Variants in TTN observed in about 807,000 individuals in gnomAD.
TTN encodes the protein titin, also known as connectin.
A neutral mutation model predicts 3,223.0 loss-of-function variants in TTN; 1,525 were observed. The observed-to-expected ratio is 0.47, with a 90% CI of 0.45 to 0.49. The LOEUF is 0.49. Among genes scored for constraint, TTN ranks in the 20% least tolerant of loss-of-function variants. The pLI is 0.00. For missense variants in TTN, 40,786 were observed against 43,424.0 expected (o/e 0.94, Z 5.40); for synonymous variants, 14,094 against 15,161.0 (o/e 0.93, Z 5.17).
At chr2:178,542,120 G>A (rs1181831190) in intron 349 of TTN, 144 bp downstream of exon 349, 3 of 796,244 alleles carry the variant, frequency 3.8e-6, no homozygotes, top group Non-Finnish European at 5.6e-6. Context: ...CCTGAGAAAA[G>A]GAGGTTTAGA....
intron 270 of TTN, 95 bp downstream of exon 270, chr2:178,610,898 T>G: frequency 6.7e-7 from 1 of 1,485,770 alleles, no homozygotes; most frequent in Non-Finnish European, 9.1e-7. Context: ...AAGTGGCCAG[T>G]TCATGAAGCC....
rs1687046860 is a variant in TTN at position 178,527,723 on chromosome 2, C to T, written c.107403G>A (p.Glu35801=). The change falls in exon 362 of 363, where the codon GAG becomes GAA. Residue 35801 remains glutamate (E), a synonymous_variant. Coordinates refer to ENST00000589042, the MANE Select transcript of TTN (RefSeq NM_001267550.2). ...VLPLVEEPSR[E]VVLRTSGDTS... ...TGTCACCACTTGTTCTCAATACTAC[C>T]TCTCTGGAAGGTTCTTCAACTAGAG... is the stretch of plus-strand genomic sequence containing the variant. 1 of 1,606,206 alleles carries T rather than the reference C, an allele frequency of 6.2e-7. No individual in the cohort carries two copies. Among genetic ancestry groups the T allele is most frequent in the South Asian group, 1.1e-5 (1 of 90,236 alleles).
In TTN at chr2:178,749,850, C is replaced by T. The variant is rs145460295; in HGVS notation, c.11311+3274G>A. 7 of 1,613,124 alleles carry T rather than the reference C, an allele frequency of 4.3e-6. No individual in the cohort carries two copies. In the African/African-American group the frequency reaches 9.3e-5, roughly 22 times the overall value. On this transcript the variant is annotated intron_variant, in intron 47 of 362. Coordinates refer to ENST00000589042, the MANE Select transcript of TTN (RefSeq NM_001267550.2). Reference sequence around the variant, plus strand: ...CATGTTACAACTGGCTGGGGCTCACCAGATATTAAACATTCAAGAATGATG... The same window carrying T: ...CATGTTACAACTGGCTGGGGCTCACTAGATATTAAACATTCAAGAATGATG...
rs1198364572 is a variant in TTN, at chr2:178,671,132, GT to G, written c.35265del (p.Lys11755AsnfsTer25). 9 of 1,603,664 alleles carry G rather than the reference GT, an allele frequency of 5.6e-6. No homozygotes were observed. The highest frequency in any genetic ancestry group is 3.4e-5 in the Admixed American group (2 of 58,318). On this transcript the variant is annotated frameshift_variant, in exon 156 of 363. Transcript: ENST00000589042. LOFTEE classifies it high-confidence loss of function. ...TTTCGAGGAACAACTTTAGTGGGCGGTTTTTTTGGAGGGATGATTTTCTCAG... is the reference window on the plus strand; with the variant it reads ...TTTCGAGGAACAACTTTAGTGGGCGGTTTTTTGGAGGGATGATTTTCTCAG... ...EISEKIIPPKKPPTKVVPRKE... is the reference protein window; with the variant it reads ...EISEKIIPPKXPPTKVVPRKE...
chr2:178,616,839 T>G lies in TTN; in HGVS notation c.48050A>C (p.Tyr16017Ser). ...ACTTGGAGAAATGACAAGTTCGGCATAGGCAGACAAGGTCTTCATTTTCAC... is the reference window on the plus strand; with the variant it reads ...ACTTGGAGAAATGACAAGTTCGGCAGAGGCAGACAAGGTCTTCATTTTCAC... ...DRVKMKTLSA[Y>S]AELVISPSER... Residue 16017 changes from tyrosine to serine, a missense_variant, in exon 256 of 363, where the codon TAT becomes TCT. By Grantham distance (144) the Tyr-to-Ser change is moderately radical. Transcript: ENST00000589042. The G allele has an allele frequency of 6.2e-6, 10 of 1,612,728 alleles. No individual in the cohort carries two copies. The highest frequency in any genetic ancestry group is 8.5e-6 in the Non-Finnish European group (10 of 1,179,192).
At position 178,531,538 on chromosome 2, in the gene TTN, T is replaced by C. The variant is rs757648598; in HGVS notation, c.105077A>G (p.Tyr35026Cys). The change falls in exon 358 of 363, where the codon TAT becomes TGT. Residue 35026 changes from tyrosine (Y) to cysteine (C), a missense_variant. Coordinates refer to ENST00000589042, the MANE Select transcript of TTN (RefSeq NM_001267550.2). Reference sequence around the variant, plus strand: ...CCCTCCTGTCACGTCCAACGTTGCATAGTCAGAAGCTTCGCCCTTGTAGTT... The same window carrying C: ...CCCTCCTGTCACGTCCAACGTTGCACAGTCAGAAGCTTCGCCCTTGTAGTT... ...CTNYKGEASD[Y>C]ATLDVTGGDY... 12 of 1,613,842 alleles carry C rather than the reference T, an allele frequency of 7.4e-6. No homozygotes were observed. The highest frequency in any genetic ancestry group is 1.0e-5 in the Non-Finnish European group (12 of 1,179,888).
intron 92 of TTN, 114 bp downstream of exon 92, chr2:178,713,783 G>C (rs1353307342): frequency 7.5e-7 from 1 of 1,336,556 alleles, no homozygotes; most frequent in Non-Finnish European, 1.0e-6. Context: ...TGCTGATTCA[G>C]AAGATGTCGG....
At chr2:178,650,106 T>C in intron 210 of TTN, 58 bp downstream of exon 210, 12 of 1,475,108 alleles carry the variant, frequency 8.1e-6, no homozygotes, top group Non-Finnish European at 1.0e-5. Flanking sequence ...AAGGAAGATA[T>C]ATAGACATGA....
At chr2:178,596,082 C>T (rs529920411) in intron 294 of TTN, among the ~76,000 whole-genome samples, 1 of 151,240 alleles carries the variant, frequency 6.6e-6, no homozygotes, top group Non-Finnish European at 1.5e-5. Context: ...CCTCCGCTTC[C>T]CAGGTTCAAG....
intron 330 of TTN, chr2:178,556,638 G>C: frequency 1.7e-6 from 1 of 589,460 alleles, no homozygotes; most frequent in East Asian, 2.9e-5. Flanking sequence ...GATATCCTGA[G>C]GTCTAAATCT....
chr2:178,564,411 A>G lies in TTN; in HGVS notation c.81721T>C (p.Tyr27241His), dbSNP rs773476805. 2 of 1,613,400 alleles carry G rather than the reference A, an allele frequency of 1.2e-6. No individual in the cohort carries two copies. The highest frequency in any genetic ancestry group is 3.3e-5 in the Admixed American group (2 of 59,944). ...TTTCTTGCAATTACTCTAAATTCATATCTTTGGTCTTCTACAAGTCCACTC... is the reference window on the plus strand; with the variant it reads ...TTTCTTGCAATTACTCTAAATTCATGTCTTTGGTCTTCTACAAGTCCACTC... ...TVSGLVEDQR[Y>H]EFRVIARNAA... Residue 27241 changes from tyrosine to histidine, a missense_variant, in exon 326 of 363, where the codon TAT (tyrosine) becomes CAT (histidine). Physicochemically the swap from Tyr to His is moderately conservative, Grantham distance 83 (BLOSUM62 2). Transcript: ENST00000589042.
In TTN at chr2:178,557,817, T is replaced by A; in HGVS notation, c.87537A>T (p.Glu29179Asp). 6.2e-7 allele frequency: 1 copy of A among 1,613,986 alleles called. No individual in the cohort carries two copies. Reference protein sequence around the residue: ...QVTNYILLKRETSTAVWTEVS... With the variant: ...QVTNYILLKRDTSTAVWTEVS... ...CTTCAGTCCACACTGCAGTACTTGT[T>A]TCTCTTTTGAGTAGAATGTAGTTGG... Residue 29179 changes from glutamate to aspartate, a missense_variant, in exon 328 of 363, where the codon GAA (glutamate) becomes GAT (aspartate). Transcript: ENST00000589042.
At position 178,533,572 on chromosome 2, in the gene TTN, A is replaced by G. The variant is rs1559027230; in HGVS notation, c.103043T>C (p.Leu34348Pro). 1 of 1,613,928 alleles carries G rather than the reference A, an allele frequency of 6.2e-7. No individual in the cohort carries two copies. The highest frequency in any genetic ancestry group is 8.5e-7 in the Non-Finnish European group (1 of 1,179,854). Reference protein sequence around the residue: ...KYGEDSCKAKLTVTLHPPPTD... With the variant: ...KYGEDSCKAKPTVTLHPPPTD... ...TGGAGGTGGGTGTAGGGTTACTGTC[A>G]GCTTTGCTTTACAGCTGTCTTCACC... is the stretch of plus-strand genomic sequence containing the variant. Residue 34348 changes from leucine (L) to proline (P), a missense_variant, in exon 358 of 363, where the codon CTG becomes CCG. Coordinates refer to ENST00000589042, the MANE Select transcript of TTN (RefSeq NM_001267550.2).
chr2:178,684,610 G>A, intron 131 of TTN, 56 bp downstream of exon 131: 2 of 1,543,802 alleles, frequency 1.3e-6, no homozygotes, highest in Non-Finnish European at 1.8e-6. Flanking sequence ...CAGCAGCAGA[G>A]AGAAAGAAAG....
chr2:178,578,831 C>T lies in TTN; in HGVS notation c.68199G>A (p.Glu22733=), dbSNP rs375672522. 5 of 1,611,450 alleles carry T rather than the reference C, an allele frequency of 3.1e-6. No individual in the cohort carries two copies. In the African/African-American group the frequency reaches 4.0e-5, roughly 13 times the overall value. ...KYGVGEGLKS[E]PIVARHPFDV... ...CAAATGGATGTCTCGCAACAATTGG[C>T]TCCGATTTCAGGCCTTCCCCTACAC... Residue 22733 remains glutamate (E), a synonymous_variant, in exon 320 of 363, where the codon GAG becomes GAA. Coordinates refer to ENST00000589042, the MANE Select transcript of TTN (RefSeq NM_001267550.2).
intron 43 of TTN, among the ~76,000 whole-genome samples, chr2:178,759,926 C>T (rs1424509680): frequency 6.6e-6 from 1 of 152,100 alleles, no homozygotes; most frequent in African/African-American, 2.4e-5. Flanking sequence ...ACCCAAATTA[C>T]AGTAAAGTAG....
rs778572519 is a variant in TTN, at chr2:178,764,812, C to A, written c.9704-1G>T. 1 of 1,612,640 alleles carries A rather than the reference C, an allele frequency of 6.2e-7. No homozygotes were observed. The highest frequency in any genetic ancestry group is 1.1e-5 in the South Asian group (1 of 91,014). On this transcript the variant is annotated splice_acceptor_variant, in intron 41 of 362. Coordinates refer to ENST00000589042, the MANE Select transcript of TTN (RefSeq NM_001267550.2). LOFTEE classifies it high-confidence loss of function. Reference sequence around the variant, plus strand: ...TGCAGAACTTGGGGCGGTTCAGGAGCTAGGAGTAAATGTTGACAAATAGCC... The same window carrying A: ...TGCAGAACTTGGGGCGGTTCAGGAGATAGGAGTAAATGTTGACAAATAGCC...
intron 102 of TTN, among the ~76,000 whole-genome samples, chr2:178,706,245 C>A (rs1227861748): frequency 6.6e-6 from 1 of 152,194 alleles, no homozygotes; most frequent in Non-Finnish European, 1.5e-5. Flanking sequence ...GTAACCTATG[C>A]ACATCCTCCC....
Position 178,733,871 on chromosome 2 carries a change from T to G in TTN, c.15518A>C (p.Lys5173Thr). The G allele has an allele frequency of 6.2e-7, 1 of 1,600,468 alleles. No homozygotes were observed. Among genetic ancestry groups the G allele is most frequent in the Non-Finnish European group, 8.5e-7 (1 of 1,170,604 alleles). Residue 5173 changes from lysine (K) to threonine (T), a missense_variant, in exon 53 of 363, where the codon AAA (lysine) becomes ACA (threonine). By Grantham distance (78) the Lys-to-Thr change is moderately conservative (BLOSUM62 -1). Transcript: ENST00000589042. ...TCCTAGTGCAATCAAATCATCTACT[T>G]TCTTTACAAAGGTTGGAGGTTCTAG... ...LLKEPPTFVK[K>T]VDDLIALGGQ...
Sources: allele counts gnomAD v4.1 joint callset (sites outside exome capture counted in the v4.1 genomes callset), GRCh38; gene constraint gnomAD v4.1.1; transcripts MANE v1.5; gene names NCBI Gene and HGNC (gene_info 2026-07-23, HGNC 2026-07-21).